The following UGT1A7 variants were observed in gnomAD, a reference collection of about 807,000 sequenced individuals.
The protein encoded by UGT1A7 is UDP glucuronosyltransferase family 1 member A7.
UGT1A7 carries 33 observed loss-of-function variants against 45.6 expected under a neutral mutation model. The observed-to-expected ratio is 0.72, with a 90% CI of 0.55 to 0.97. The LOEUF is 0.97. Ranked by LOEUF, UGT1A7 falls within the 50% of genes least tolerant of loss-of-function variation. The pLI is 0.00. For synonymous variants in UGT1A7, 274 were observed against 250.6 expected, an observed-to-expected ratio of 1.09 and a Z score of -0.88; for missense variants, 684 against 666.2, an observed-to-expected ratio of 1.03 and a Z score of -0.29.
Position 233,731,284 on chromosome 2 carries a change from C to CTT in UGT1A7, c.856-35737_856-35736dup, listed in dbSNP as rs78127606. 2.2e-3 allele frequency among the ~76,000 whole-genome samples: 301 copies of CTT among 139,786 alleles called. 4 individuals are homozygous for CTT. Among genetic ancestry groups the CTT allele is most frequent in the African/African-American group, 6.8e-3 (261 of 38,534 alleles). 91.7% of individuals were successfully genotyped at this position (139,786 alleles called of 152,430 possible). A position where few individuals can be genotyped will look rare whatever the true frequency, so the allele number is the denominator to read the frequency against. On this transcript the variant is annotated intron_variant, in intron 1 of 4. Coordinates refer to ENST00000373426, the MANE Select transcript of UGT1A7 (RefSeq NM_019077.3). The stretch of plus-strand genomic sequence containing the variant: ...ACTGTTGCCCTTCCAGTTTTTCTTT[C>CTT]TTTTTTTTTTTTTTATTATACTTTA...
intron 1 of UGT1A7, among the ~76,000 whole-genome samples, chr2:233,732,497 G>A (rs2078278332): frequency 6.6e-6 from 1 of 152,228 alleles, no homozygotes; most frequent in Non-Finnish European, 1.5e-5. Flanking sequence ...TAAGGCGTAA[G>A]GAAGGGATCC....
At chr2:233,760,415 T>A (rs2125983730) in intron 1 of UGT1A7, 1 of 1,614,208 alleles carries the variant, frequency 6.2e-7, no homozygotes, top group Non-Finnish European at 8.5e-7. Flanking sequence ...TGGCTGAGCA[T>A]GCTTGGGGCC....
chr2:233,725,023 C>G lies in UGT1A7; in HGVS notation c.856-42011C>G, dbSNP rs559276677. Among the ~76,000 whole-genome samples the G allele has an allele frequency of 5.4e-5, 8 of 148,360 alleles. 2 individuals carry two copies. The highest frequency in any genetic ancestry group is 1.2e-4 in the Non-Finnish European group (8 of 67,378). Reference sequence around the variant, plus strand: ...ACCGGCCCGGCCAAACAGCAAAACCCGGTCTCCACCAAAACCAGTCAGGCG... The same window carrying G: ...ACCGGCCCGGCCAAACAGCAAAACCGGGTCTCCACCAAAACCAGTCAGGCG... On this transcript the variant is annotated intron_variant, in intron 1 of 4. Coordinates refer to ENST00000373426, the MANE Select transcript of UGT1A7 (RefSeq NM_019077.3).
chr2:233,756,725 G>A (rs1363632350), intron 1 of UGT1A7, among the ~76,000 whole-genome samples: 1 of 152,038 alleles, frequency 6.6e-6, no homozygotes, highest in Non-Finnish European at 1.5e-5. Flanking sequence ...TGAGATCTGA[G>A]TTCTCTTCAC....
intron 1 of UGT1A7, among the ~76,000 whole-genome samples, chr2:233,748,343 G>T (rs192012783): frequency 6.6e-6 from 1 of 151,752 alleles, no homozygotes; most frequent in Non-Finnish European, 1.5e-5. Flanking sequence ...GAGACTGTTC[G>T]TTTGTAAAGG....
chr2:233,759,024 C>T (rs1053899140), intron 1 of UGT1A7, among the ~76,000 whole-genome samples: 1 of 152,174 alleles, frequency 6.6e-6, no homozygotes, highest in Admixed American at 6.5e-5. Context: ...ATTTGCTTAT[C>T]TATTTGGTTT....
Position 233,682,247 on chromosome 2 carries a change from A to C in UGT1A7, c.310A>C (p.Ser104Arg), listed in dbSNP as rs758971346. ...ADARWTAPLRSAFSLLTSSSN... is the reference protein window; with the variant it reads ...ADARWTAPLRRAFSLLTSSSN... ...TGCTCGCTGGACGGCACCATTGCGA[A>C]GTGCATTTTCTCTATTAACAAGTTC... The change falls in exon 1 of 5, where the codon AGT becomes CGT. Residue 104 changes from serine to arginine, a missense_variant. Ser to Arg is a moderately radical substitution (Grantham distance 110). Transcript: ENST00000373426. The C allele has an allele frequency of 1.9e-6, 3 of 1,614,214 alleles. No homozygotes were observed. The South Asian group carries it at 3.3e-5, about 18-fold the overall frequency.
rs1004676304 is a variant in UGT1A7, at chr2:233,769,752, G to A, written c.1295+1313G>A. On this transcript the variant is annotated intron_variant, in intron 4 of 4. Transcript: ENST00000373426. This position sits in a 1 kb window ranked among gnomAD's most constrained non-coding sequence, Gnocchi z 4.4. ...CGCCTGTAGTCCCAGCCACTCTGGA[G>A]GCTAAGGCGGGAGGATTGCTTGAGC... is the stretch of plus-strand genomic sequence containing the variant. The A allele has an allele frequency of 7.0e-6, 10 of 1,432,670 alleles. No homozygotes were observed. In the African/African-American group the frequency reaches 1.3e-4, roughly 18 times the overall value. 88.7% of individuals were successfully genotyped at this position (1,432,670 alleles called of 1,614,324 possible). A position where few individuals can be genotyped will look rare whatever the true frequency, so the allele number is the denominator to read the frequency against.
At chr2:233,726,615 C>T (rs1260171777) in intron 1 of UGT1A7, among the ~76,000 whole-genome samples, 2 of 152,156 alleles carry the variant, frequency 1.3e-5, no homozygotes, top group Non-Finnish European at 2.9e-5. Flanking sequence ...CTGTCCTGCC[C>T]AGATACCCAG....
At chr2:233,701,138 G>A (rs1232602539) in intron 1 of UGT1A7, among the ~76,000 whole-genome samples, 2 of 152,142 alleles carry the variant, frequency 1.3e-5, no homozygotes, top group Non-Finnish European at 2.9e-5. Flanking sequence ...ATTTAGGTTG[G>A]TTCCAAGTCT....
intron 1 of UGT1A7, chr2:233,719,117 G>T (rs761490999): frequency 6.2e-7 from 1 of 1,614,140 alleles, no homozygotes; most frequent in African/African-American, 1.3e-5. Flanking sequence ...ACACTCAAGG[G>T]TTCTTTGAAA....
In UGT1A7 at chr2:233,719,228, C is replaced by G. The variant is rs756302430; in HGVS notation, c.855+36436C>G. Reference sequence around the variant, plus strand: ...GTGTGGAGCTACTGCATAATGAGGCCCTGATCAGGCACCTGAATGCTACTT... The same window carrying G: ...GTGTGGAGCTACTGCATAATGAGGCGCTGATCAGGCACCTGAATGCTACTT... On this transcript the variant is annotated intron_variant, in intron 1 of 4. Transcript: ENST00000373426. 3 of 1,614,146 alleles carry G rather than the reference C, an allele frequency of 1.9e-6. No individual in the cohort carries two copies. The Admixed American group carries it at 5.0e-5, about 27-fold the overall frequency.
chr2:233,735,336 G>GC (rs1210118835), intron 1 of UGT1A7, among the ~76,000 whole-genome samples: 3 of 151,898 alleles, frequency 2.0e-5, no homozygotes, highest in Non-Finnish European at 2.9e-5. Flanking sequence ...TGCAACCCCT[G>GC]CTTTTTTTTT....
intron 1 of UGT1A7, chr2:233,708,774 A>G (rs2076040935): frequency 6.7e-6 from 1 of 149,962 alleles, no homozygotes; most frequent in South Asian, 2.1e-4. Context: ...CCCCAAATCA[A>G]TGCAACCTGT....
intron 1 of UGT1A7, among the ~76,000 whole-genome samples, chr2:233,725,759 T>G (rs1335520276): frequency 6.6e-6 from 1 of 152,194 alleles, no homozygotes; most frequent in Non-Finnish European, 1.5e-5. Context: ...GACTTACATT[T>G]TCTTCACATA....
Position 233,682,671 on chromosome 2 carries a change from A to G in UGT1A7, c.734A>G (p.Tyr245Cys). Residue 245 changes from tyrosine (Y) to cysteine (C), a missense_variant, in exon 1 of 5, where the codon TAC becomes TGC. By Grantham distance (194) the Tyr-to-Cys change is radical. Transcript: ENST00000373426. ...ACCCCTGTCACGGCATATGATCTCT[A>G]CAGCCACACATCAATTTGGTTGTTG... is the stretch of plus-strand genomic sequence containing the variant. ...LQTPVTAYDL[Y>C]SHTSIWLLRT... 6.2e-7 allele frequency: 1 copy of G among 1,613,852 alleles called. No homozygotes were observed. Among genetic ancestry groups the G allele is most frequent in the Non-Finnish European group, 8.5e-7 (1 of 1,179,800 alleles).
intron 1 of UGT1A7, chr2:233,713,718 G>A: frequency 1.2e-6 from 2 of 1,613,904 alleles, no homozygotes; most frequent in Non-Finnish European, 1.7e-6. Flanking sequence ...TCAGAGAGAG[G>A]TGTCAGTGGT....
intron 1 of UGT1A7, chr2:233,760,250 G>A (rs1489611347): frequency 6.2e-7 from 1 of 1,601,220 alleles, no homozygotes; most frequent in Non-Finnish European, 8.5e-7. Context: ...ATATATATAA[G>A]TAGGAGAGGG....
At chr2:233,748,322 T>C (rs905546123) in intron 1 of UGT1A7, among the ~76,000 whole-genome samples, 5 of 151,864 alleles carry the variant, frequency 3.3e-5, no homozygotes, top group African/African-American at 4.9e-5. Context: ...CTAGGACTGA[T>C]GTGACTCATG....
Sources: allele counts gnomAD v4.1 joint callset (sites outside exome capture counted in the v4.1 genomes callset), GRCh38; gene constraint gnomAD v4.1.1; non-coding constraint Gnocchi (gnomAD v3.1); transcripts MANE v1.5; gene names NCBI Gene and HGNC (gene_info 2026-07-23, HGNC 2026-07-21).